The following SUMF1 variants were observed in gnomAD, a reference collection of about 807,000 sequenced individuals.
SUMF1 encodes the protein sulfatase modifying factor 1.
SUMF1 carries 48 observed loss-of-function variants against 47.6 expected under a neutral mutation model. The observed-to-expected ratio is 1.01, with a 90% CI of 0.80 to 1.28. The LOEUF (loss-of-function observed/expected upper bound fraction) is 1.28, where lower values mean the gene tolerates loss of function less well. SUMF1 is among the 50% of genes most tolerant of loss of function. The probability of loss-of-function intolerance (pLI) is 0.00; values close to 1 mark genes in which losing one functional copy is unlikely to be tolerated. For missense variants in SUMF1, 571 were observed against 485.4 expected, an observed-to-expected ratio of 1.18 and a Z score of -1.66; for synonymous variants, 230 against 192.1, an observed-to-expected ratio of 1.20 and a Z score of -1.63.
chr3:4,353,578 G>C (rs959062506), intron 8 of SUMF1, among the ~76,000 whole-genome samples: 5 of 152,160 alleles, frequency 3.3e-5, no homozygotes, highest in African/African-American at 1.2e-4. Context: ...AAATATACAA[G>C]CTCATATTCT....
chr3:4,291,383 T>C (rs918162015), intron 8 of SUMF1, among the ~76,000 whole-genome samples: 1 of 152,150 alleles, frequency 6.6e-6, no homozygotes, highest in African/African-American at 2.4e-5. Flanking sequence ...CCCTCATCTC[T>C]GCTCTCTCTC....
intron 7 of SUMF1, among the ~76,000 whole-genome samples, chr3:4,408,324 T>C (rs1559279993): frequency 6.6e-6 from 1 of 152,386 alleles, no homozygotes; most frequent in East Asian, 1.9e-4. Flanking sequence ...ACAGTTTTTG[T>C]TCTTTTTCTT....
At chr3:4,279,117 A>C (rs887554215) in intron 8 of SUMF1, among the ~76,000 whole-genome samples, 1 of 152,194 alleles carries the variant, frequency 6.6e-6, no homozygotes. Context: ...TTTGAGAAGA[A>C]TTGCTCTAAT....
intron 8 of SUMF1, among the ~76,000 whole-genome samples, chr3:4,231,028 A>G (rs1178878179): frequency 6.6e-6 from 1 of 152,190 alleles, no homozygotes; most frequent in Non-Finnish European, 1.5e-5. Context: ...AAGGGATAAG[A>G]ATATTATCAG....
At chr3:4,367,124 CCTA>C (rs1483676560) in intron 8 of SUMF1, among the ~76,000 whole-genome samples, 4 of 151,808 alleles carry the variant, frequency 2.6e-5, no homozygotes, top group African/African-American at 4.9e-5. Context: ...TCAGTCTGCC[CCTA>C]CTGGGGGGGT....
chr3:4,317,550 A>T (rs1008322648), intron 8 of SUMF1: 3 of 188,438 alleles, frequency 1.6e-5, no homozygotes, highest in Admixed American at 5.4e-5. Flanking sequence ...AGATTAAAAC[A>T]TGTACCTTGA....
chr3:4,431,862 G>C (rs28405294), intron 3 of SUMF1, among the ~76,000 whole-genome samples: 2,656 of 152,212 alleles, frequency 0.017, 52 homozygotes, highest in East Asian at 0.043. Flanking sequence ...GCTGTCAAAA[G>C]TGTCTTGATT....
intron 8 of SUMF1, among the ~76,000 whole-genome samples, chr3:4,370,593 T>G (rs1700138705): frequency 1.3e-5 from 2 of 152,228 alleles, no homozygotes; most frequent in South Asian, 4.2e-4. Context: ...AGCACTGGGT[T>G]GAGGATTCTA....
chr3:4,298,761 A>G (rs1697908705), intron 8 of SUMF1, among the ~76,000 whole-genome samples: 1 of 152,230 alleles, frequency 6.6e-6, no homozygotes, highest in Non-Finnish European at 1.5e-5. Flanking sequence ...TGGACCATGC[A>G]TGTAATCAGT....
At chr3:4,388,651 T>G (rs1700750610) in intron 7 of SUMF1, among the ~76,000 whole-genome samples, 1 of 152,108 alleles carries the variant, frequency 6.6e-6, no homozygotes, top group East Asian at 1.9e-4. Flanking sequence ...TTCCTTTTTC[T>G]GACTTCCTGT....
intron 8 of SUMF1, among the ~76,000 whole-genome samples, chr3:4,322,591 T>C (rs1698860377): frequency 6.6e-6 from 1 of 151,344 alleles, no homozygotes; most frequent in Admixed American, 6.6e-5. Context: ...CCCTAGGAGC[T>C]CAAGGCTGCA....
chr3:4,137,777 T>C (rs543029879), intron 8 of SUMF1, among the ~76,000 whole-genome samples: 1 of 152,082 alleles, frequency 6.6e-6, no homozygotes. Flanking sequence ...CCTACCACTT[T>C]TATTTACCAC....
intron 1 of SUMF1, among the ~76,000 whole-genome samples, chr3:4,460,832 T>G (rs1479641141): frequency 6.6e-6 from 1 of 151,794 alleles, no homozygotes; most frequent in African/African-American, 2.4e-5. Context: ...AATTTTTTTT[T>G]TTAGTAGACA....
At chr3:4,094,582 C>T (rs11918280) in intron 8 of SUMF1, among the ~76,000 whole-genome samples, 15,362 of 152,052 alleles carry the variant, frequency 0.1, 1,465 homozygotes, top group African/African-American at 0.23. Context: ...TTACACTACA[C>T]AGTCCCAGTT....
intron 8 of SUMF1, among the ~76,000 whole-genome samples, chr3:4,338,891 A>G (rs572778523): frequency 6.6e-6 from 1 of 152,014 alleles, no homozygotes; most frequent in South Asian, 2.1e-4. Flanking sequence ...ATGTCTAGCT[A>G]CTCTATGAGA....
At chr3:4,257,061 C>A (rs1474020157) in intron 8 of SUMF1, among the ~76,000 whole-genome samples, 4 of 111,452 alleles carry the variant, frequency 3.6e-5, no homozygotes, top group Non-Finnish European at 6.8e-5. Context: ...AATTCAACAA[C>A]CCTTCATGCT....
intron 8 of SUMF1, among the ~76,000 whole-genome samples, chr3:4,297,450 C>T (rs1182845482): frequency 6.6e-6 from 1 of 152,062 alleles, no homozygotes; most frequent in Non-Finnish European, 1.5e-5. Context: ...TCGCCCAATC[C>T]AGGCTGCAGT....
intron 8 of SUMF1, among the ~76,000 whole-genome samples, chr3:4,296,463 C>CA (rs35269974): frequency 0.38 from 57,947 of 151,766 alleles, 11,348 homozygotes; most frequent in Non-Finnish European, 0.43. Context: ...TTAATGGACT[C>CA]ACAGTTTCAC....
intron 8 of SUMF1, among the ~76,000 whole-genome samples, chr3:4,164,426 G>C (rs1206988570): frequency 6.6e-6 from 1 of 152,186 alleles, no homozygotes; most frequent in African/African-American, 2.4e-5. Flanking sequence ...CCGGTTGGGG[G>C]CTTCTGGCCC....
Sources: gnomAD v4.1 joint callset for allele counts (sites outside exome capture counted in the v4.1 genomes callset) on GRCh38, gnomAD v4.1.1 for gene constraint, MANE v1.5 for transcripts, NCBI Gene and HGNC (gene_info 2026-07-23, HGNC 2026-07-21) for gene names.